The following CDC37L1 variants were observed in gnomAD, a reference collection of about 807,000 sequenced individuals.
The protein encoded by CDC37L1 is hsp90 co-chaperone Cdc37-like 1.
Under a neutral mutation model 45.9 loss-of-function variants are expected in CDC37L1, and 32 were observed. The observed-to-expected ratio is 0.70, with a 90% CI of 0.53 to 0.94. The LOEUF (loss-of-function observed/expected upper bound fraction) is 0.94, where lower values mean the gene tolerates loss of function less well. Among genes scored for constraint, CDC37L1 ranks in the 40% least tolerant of loss-of-function variants. The pLI, the probability that CDC37L1 is intolerant of heterozygous loss-of-function variation, is 0.00. For missense variants in CDC37L1, 434 were observed against 405.7 expected, an observed-to-expected ratio of 1.07 and a Z score of -0.60; for synonymous variants, 150 against 133.0, an observed-to-expected ratio of 1.13 and a Z score of -0.88.
chr9:4,706,893 T>TAA lies in CDC37L1; in HGVS notation c.*782_*783dup, dbSNP rs1483192209. On this transcript the variant is annotated 3_prime_UTR_variant, in exon 7 of 7. Transcript: ENST00000381854. ...ACATAGTCTGGGATCTCTCAGGGAG[T>TAA]AAGTTTTAAAAGAATACTAATGGCT... is the stretch of plus-strand genomic sequence containing the variant. The TAA allele has an allele frequency of 1.3e-5, 2 of 152,156 alleles. No homozygotes were observed. The highest frequency in any genetic ancestry group is 4.8e-5 in the African/African-American group (2 of 41,440). 9.4% of individuals were successfully genotyped at this position (152,156 alleles called of 1,614,324 possible). A position where few individuals can be genotyped will look rare whatever the true frequency, so the allele number is the denominator to read the frequency against.
chr9:4,702,685 T>G (rs979218014), intron 6 of CDC37L1, among the ~76,000 whole-genome samples: 5 of 150,502 alleles, frequency 3.3e-5, no homozygotes, highest in Non-Finnish European at 7.4e-5. Flanking sequence ...ATCGAGACCA[T>G]CCTGGCTAAC....
Position 4,679,579 on chromosome 9 carries a change from C to T in CDC37L1, c.-189C>T. ...CCGCGCCGACTATTTCTTCCGCCGT[C>T]CGCCGGTGGCGAGGCCCAGGCTGTC... On this transcript the variant is annotated 5_prime_UTR_variant, in exon 1 of 7. Transcript: ENST00000381854. 1 of 519,848 alleles carries T rather than the reference C, an allele frequency of 1.9e-6. No homozygotes were observed. Among genetic ancestry groups the T allele is most frequent in the Non-Finnish European group, 3.4e-6 (1 of 290,736 alleles). The allele number at this position is 519,848 out of a possible 1,614,324, so 32.2% of individuals were successfully genotyped here.
chr9:4,694,638 C>T (rs532245186), intron 3 of CDC37L1, among the ~76,000 whole-genome samples: 5 of 152,080 alleles, frequency 3.3e-5, no homozygotes, highest in Admixed American at 6.5e-5. Flanking sequence ...TTTGGGAGGC[C>T]GAGGCAGGTG....
intron 1 of CDC37L1, among the ~76,000 whole-genome samples, chr9:4,682,072 A>G (rs923431375): frequency 1.3e-5 from 2 of 152,190 alleles, no homozygotes; most frequent in Non-Finnish European, 2.9e-5. Context: ...TTGAGAAAAG[A>G]ATATTTGCTC....
intron 3 of CDC37L1, among the ~76,000 whole-genome samples, chr9:4,694,563 A>C (rs1244163302): frequency 6.6e-6 from 1 of 152,184 alleles, no homozygotes; most frequent in Non-Finnish European, 1.5e-5. Flanking sequence ...TCAGGTATTA[A>C]ATAGGTAGTT....
At chr9:4,693,057 G>C (rs1841315728) in intron 3 of CDC37L1, among the ~76,000 whole-genome samples, 1 of 152,142 alleles carries the variant, frequency 6.6e-6, no homozygotes, top group Non-Finnish European at 1.5e-5. Flanking sequence ...TATGGGAAAT[G>C]ATCATACAAC....
chr9:4,689,054 A>G (rs1179256824), intron 3 of CDC37L1, among the ~76,000 whole-genome samples: 1 of 152,194 alleles, frequency 6.6e-6, no homozygotes, highest in East Asian at 1.9e-4. Context: ...AGAAATGTAT[A>G]TATAAAGAAC....
intron 5 of CDC37L1, among the ~76,000 whole-genome samples, chr9:4,700,867 T>G (rs964636218): frequency 6.6e-6 from 1 of 152,194 alleles, no homozygotes; most frequent in African/African-American, 2.4e-5. Flanking sequence ...TATATCTAAA[T>G]CCCTAAACCT....
chr9:4,697,460 C>G (rs1841358653), intron 4 of CDC37L1, among the ~76,000 whole-genome samples: 1 of 152,078 alleles, frequency 6.6e-6, no homozygotes, highest in South Asian at 2.1e-4. Flanking sequence ...CTCCATCTCT[C>G]TTGTTTTCAT....
At chr9:4,681,027 G>T (rs1435964862) in intron 1 of CDC37L1, among the ~76,000 whole-genome samples, 2 of 152,200 alleles carry the variant, frequency 1.3e-5, no homozygotes, top group Non-Finnish European at 2.9e-5. Flanking sequence ...AGGACAGAAT[G>T]AGAGTTGATG....
intron 5 of CDC37L1, among the ~76,000 whole-genome samples, chr9:4,701,368 T>C (rs1179702664): frequency 1.3e-5 from 2 of 152,218 alleles, no homozygotes; most frequent in African/African-American, 4.8e-5. Flanking sequence ...GAATTCTATT[T>C]GGTTTTCGTA....
intron 1 of CDC37L1, among the ~76,000 whole-genome samples, chr9:4,681,457 C>G (rs1190137494): frequency 6.6e-6 from 1 of 152,098 alleles, no homozygotes; most frequent in African/African-American, 2.4e-5. Context: ...CCAGCCTGAC[C>G]AACATGGAGA....
intron 6 of CDC37L1, chr9:4,702,995 G>T: frequency 1.5e-6 from 2 of 1,324,480 alleles, no homozygotes; most frequent in Non-Finnish European, 2.0e-6. Flanking sequence ...TGCTAGTTAG[G>T]ATTACAAGTT....
chr9:4,680,009 CTGCCAGG>C, intron 1 of CDC37L1, 110 bp downstream of exon 1: 1 of 1,393,936 alleles, frequency 7.2e-7, no homozygotes. Flanking sequence ...GCCCACCTCA[CTGCCAGG>C]GGCCGGGGAC....
chr9:4,688,716 T>C, intron 3 of CDC37L1, 110 bp downstream of exon 3: 1 of 679,946 alleles, frequency 1.5e-6, no homozygotes, highest in Non-Finnish European at 2.4e-6. Context: ...CAAACTCCAA[T>C]TTTGTAGCTT....
At chr9:4,701,004 TTCC>T (rs74460704) in intron 5 of CDC37L1, among the ~76,000 whole-genome samples, 14,948 of 152,230 alleles carry the variant, frequency 0.098, 1,264 homozygotes, top group East Asian at 0.44. Flanking sequence ...AAGGAAATTC[TTCC>T]TAAATTTACA....
intron 1 of CDC37L1, among the ~76,000 whole-genome samples, chr9:4,680,700 C>T (rs1252055324): frequency 1.3e-5 from 2 of 152,118 alleles, no homozygotes; most frequent in Non-Finnish European, 2.9e-5. Context: ...TTCTCCGAAT[C>T]CGTGTGTGTT....
At position 4,679,684 on chromosome 9, in the gene CDC37L1, C is replaced by T. The variant is rs1841167166; in HGVS notation, c.-84C>T. On this transcript the variant is annotated 5_prime_UTR_variant, in exon 1 of 7. Transcript: ENST00000381854. Reference sequence around the variant, plus strand: ...ACCCCCGGCTGGGCTTCTGGCTCGGCGCAGCAGGTTCCATTCACGCCAAGT... The same window carrying T: ...ACCCCCGGCTGGGCTTCTGGCTCGGTGCAGCAGGTTCCATTCACGCCAAGT... 1 of 1,332,458 alleles carries T rather than the reference C, an allele frequency of 7.5e-7. No homozygotes were observed. The highest frequency in any genetic ancestry group is 1.4e-5 in the South Asian group (1 of 69,420). The allele number at this position is 1,332,458 out of a possible 1,614,324, so 82.5% of individuals were successfully genotyped here.
rs544872533 is a variant in CDC37L1 at position 4,704,805 on chromosome 9, T to A, written c.913-1206T>A. Among the ~76,000 whole-genome samples the A allele has an allele frequency of 3.9e-5, 6 of 152,120 alleles. No homozygotes were observed. The South Asian group carries it at 8.3e-4, about 21-fold the overall frequency. On this transcript the variant is annotated intron_variant, in intron 6 of 6. Transcript: ENST00000381854. ...ATTCATTATCCTTAGTTTTGAGAGG[T>A]CTAATCCAAGGCCTCTTGGATATAG...
Sources: allele counts gnomAD v4.1 joint callset (sites outside exome capture counted in the v4.1 genomes callset), GRCh38; gene constraint gnomAD v4.1.1; transcripts MANE v1.5; gene names NCBI Gene and HGNC (gene_info 2026-07-23, HGNC 2026-07-21).